DCC: variants seen among roughly 807,000 people sequenced by gnomAD.
DCC encodes the protein netrin receptor DCC.
In DCC, 58 loss-of-function variants were observed where a neutral mutation model predicts 172.5. That is an observed-to-expected ratio of 0.34 (90% CI 0.27 to 0.42). DCC has a LOEUF of 0.42. DCC is among the 10% of genes least tolerant of loss of function. DCC has a pLI of 1.00. For missense variants in DCC, 1,740 were observed against 1,791.0 expected (o/e 0.97, Z 0.51); for synonymous variants, 709 against 644.5 (o/e 1.10, Z -1.52).
chr18:52,531,617 G>A (rs2032154308), intron 1 of DCC, among the ~76,000 whole-genome samples: 1 of 151,986 alleles, frequency 6.6e-6, no homozygotes, highest in Non-Finnish European at 1.5e-5. Flanking sequence ...CTGATCTATA[G>A]CCTGTCTGGT....
At chr18:53,102,630 G>A (rs560664659) in intron 7 of DCC, among the ~76,000 whole-genome samples, 5 of 152,046 alleles carry the variant, frequency 3.3e-5, no homozygotes, top group African/African-American at 1.2e-4. Context: ...AAATCTAAAG[G>A]TCAGACCACA....
At chr18:53,298,386 A>G (rs1437435490) in intron 12 of DCC, among the ~76,000 whole-genome samples, 1 of 151,790 alleles carries the variant, frequency 6.6e-6, no homozygotes, top group Non-Finnish European at 1.5e-5. Flanking sequence ...AAATACAGAA[A>G]GTATTTAGCC....
chr18:52,463,026 A>G (rs1181676005), intron 1 of DCC, among the ~76,000 whole-genome samples: 3 of 152,182 alleles, frequency 2.0e-5, no homozygotes, highest in Non-Finnish European at 2.9e-5. Flanking sequence ...GATGGCTGCC[A>G]TGTTCTTTCA....
chr18:52,757,788 C>G (rs1445950919), intron 2 of DCC, among the ~76,000 whole-genome samples: 1 of 152,072 alleles, frequency 6.6e-6, no homozygotes, highest in Non-Finnish European at 1.5e-5. Context: ...CCTTGTAATG[C>G]TCAGAAACTG....
intron 5 of DCC, among the ~76,000 whole-genome samples, chr18:52,949,940 G>T (rs1238918667): frequency 6.6e-6 from 1 of 152,154 alleles, no homozygotes; most frequent in African/African-American, 2.4e-5. Flanking sequence ...AGCCCCATTA[G>T]TAATACAGTA....
intron 11 of DCC, among the ~76,000 whole-genome samples, chr18:53,213,179 A>G (rs2055784855): frequency 6.6e-6 from 1 of 152,226 alleles, no homozygotes; most frequent in Non-Finnish European, 1.5e-5. Flanking sequence ...AACACATGAT[A>G]AATGTTACCT....
At chr18:53,331,375 G>T (rs533221379) in intron 14 of DCC, among the ~76,000 whole-genome samples, 1 of 152,316 alleles carries the variant, frequency 6.6e-6, no homozygotes, top group Admixed American at 6.5e-5. Context: ...TTTACGGTTT[G>T]AATGGCCATG....
At position 53,226,507 on chromosome 18, in the gene DCC, G is replaced by T. The variant is rs571804949; in HGVS notation, c.1911+10910G>T. The stretch of plus-strand genomic sequence containing the variant: ...AGCGGGACAGCAGGTTTTTAAGAGA[G>T]CACAACTGATACCTCAATAAACTTC... On this transcript the variant is annotated intron_variant, in intron 12 of 28. Coordinates refer to ENST00000442544, the MANE Select transcript of DCC (RefSeq NM_005215.4). Among the ~76,000 whole-genome samples, 5 of 152,244 alleles carry T rather than the reference G, an allele frequency of 3.3e-5. No homozygotes were observed. The South Asian group carries it at 1.0e-3, about 32-fold the overall frequency.
Position 53,179,081 on chromosome 18 carries a change from G to C in DCC, c.1538G>C (p.Ser513Thr), listed in dbSNP as rs1162344034. The C allele has an allele frequency of 1.9e-6, 3 of 1,613,948 alleles. No homozygotes were observed. The highest frequency in any genetic ancestry group is 2.2e-5 in the East Asian group (1 of 44,870). Residue 513 changes from serine (S) to threonine (T), a missense_variant, in exon 9 of 29, where the codon AGT (serine) becomes ACT (threonine). By Grantham distance (58) the Ser-to-Thr change is moderately conservative. This residue lies in a region of DCC where 1,732 missense variants were observed against 1,767.4 expected (regional missense o/e 0.98). Coordinates refer to ENST00000442544, the MANE Select transcript of DCC (RefSeq NM_005215.4). ...TACAATGAATGGGGACCGGGAGAGA[G>C]TTCTCAACCCATCAAGGTGGCCACA... Reference protein sequence around the residue: ...VAYNEWGPGESSQPIKVATQP... With the variant: ...VAYNEWGPGETSQPIKVATQP...
chr18:53,391,316 C>T (rs946061623), intron 16 of DCC, among the ~76,000 whole-genome samples: 3 of 151,928 alleles, frequency 2.0e-5, no homozygotes, highest in South Asian at 2.1e-4. Context: ...TAAAACTGAT[C>T]GATCCTGTAA....
chr18:52,919,868 AT>A (rs1420155840), intron 3 of DCC, among the ~76,000 whole-genome samples: 2 of 152,186 alleles, frequency 1.3e-5, no homozygotes, highest in East Asian at 3.9e-4. Flanking sequence ...ATAGTGTGGT[AT>A]TGGCAAAATA....
intron 2 of DCC, among the ~76,000 whole-genome samples, chr18:52,859,571 A>G (rs1028393442): frequency 1.3e-5 from 2 of 152,186 alleles, no homozygotes; most frequent in East Asian, 3.9e-4. Context: ...TGTTTTGCAG[A>G]TGAGATCAAA....
chr18:52,516,881 A>C (rs956265164), intron 1 of DCC, among the ~76,000 whole-genome samples: 8 of 152,214 alleles, frequency 5.3e-5, no homozygotes, highest in Admixed American at 4.6e-4. Flanking sequence ...TTAGACCTGC[A>C]TATTACAATA....
rs557199175 is a variant in DCC, at chr18:52,550,588, C to T, written c.92-201466C>T. On this transcript the variant is annotated intron_variant, in intron 1 of 28. Coordinates refer to ENST00000442544, the MANE Select transcript of DCC (RefSeq NM_005215.4). ...CAATACTGCCCCCTGACACACACAC[C>T]AAATCCACACAAGGCTCCAAGGTAC... Among the ~76,000 whole-genome samples the T allele has an allele frequency of 3.3e-5, 5 of 152,052 alleles. No individual in the cohort carries two copies. The East Asian group carries it at 9.7e-4, about 29-fold the overall frequency.
chr18:53,252,216 T>C (rs867478011), intron 12 of DCC, among the ~76,000 whole-genome samples: 3 of 152,020 alleles, frequency 2.0e-5, no homozygotes, highest in Middle Eastern at 3.2e-3. Flanking sequence ...AAATACTATG[T>C]CATTTAGGTG....
chr18:53,259,163 C>T lies in DCC; in HGVS notation c.1911+43566C>T, dbSNP rs548288472. 2.9e-3 allele frequency among the ~76,000 whole-genome samples: 447 copies of T among 152,160 alleles called. 4 individuals carry two copies. The highest frequency in any genetic ancestry group is 0.022 in the Admixed American group (334 of 15,286). ...TACTGATGGGTCTTGACTCTTTATC[C>T]AATTTGCCAGTCTGTGTCTTTTAAT... On this transcript the variant is annotated intron_variant, in intron 12 of 28. Transcript: ENST00000442544.
chr18:52,642,014 GTATATATATATATA>G lies in DCC; in HGVS notation c.92-110021_92-110008del, dbSNP rs1193018662. 4.6e-3 allele frequency among the ~76,000 whole-genome samples: 160 copies of G among 34,522 alleles called. 2 individuals carry two copies. In the East Asian group the frequency reaches 0.057, roughly 12 times the overall value. The allele number at this position is 34,522 out of a possible 152,430, so 22.6% of individuals were successfully genotyped here. A position where few individuals can be genotyped will look rare whatever the true frequency, so the allele number is the denominator to read the frequency against. ...GATAAAGAAACTGTGGTGTGTGTGT[GTATATATATATATA>G]TATATATATATATATATACTGTGGT... On this transcript the variant is annotated intron_variant, in intron 1 of 28. Coordinates refer to ENST00000442544, the MANE Select transcript of DCC (RefSeq NM_005215.4).
chr18:52,742,275 G>GC (rs143995808), intron 1 of DCC, among the ~76,000 whole-genome samples: 4,198 of 152,166 alleles, frequency 0.028, 194 homozygotes, highest in African/African-American at 0.096. Context: ...CTCAAGTCTT[G>GC]CCCTCCTCAA....
chr18:52,418,922 G>A (rs1168367214), intron 1 of DCC, among the ~76,000 whole-genome samples: 6 of 139,928 alleles, frequency 4.3e-5, no homozygotes, highest in Non-Finnish European at 6.0e-5. Flanking sequence ...GTATAGTGAC[G>A]CGATCTCGGA....
Sources: allele counts gnomAD v4.1 joint callset (sites outside exome capture counted in the v4.1 genomes callset), GRCh38; gene constraint gnomAD v4.1.1; regional missense constraint gnomAD v4.1.1; transcripts MANE v1.5; gene names NCBI Gene and HGNC (gene_info 2026-07-23, HGNC 2026-07-21).